The following BANK1 variants were observed in gnomAD, a reference collection of about 807,000 sequenced individuals.
BANK1 encodes the protein B cell scaffold protein with ankyrin repeats 1, also known as B-cell scaffold protein with ankyrin repeats.
Under a neutral mutation model 94.5 loss-of-function variants are expected in BANK1, and 95 were observed. The observed-to-expected ratio is 1.00, with a 90% CI of 0.85 to 1.19. The LOEUF is 1.19. Among genes scored for constraint, BANK1 ranks in the 50% most tolerant of loss-of-function variants. The pLI is 0.00. For synonymous variants in BANK1, 334 were observed against 308.4 expected, an observed-to-expected ratio of 1.08 and a Z score of -0.87; for missense variants, 987 against 932.2, an observed-to-expected ratio of 1.06 and a Z score of -0.77.
chr4:102,041,615 T>C (rs116547287), intron 10 of BANK1, among the ~76,000 whole-genome samples: 2,920 of 152,074 alleles, frequency 0.019, 64 homozygotes, highest in Middle Eastern at 0.065. Context: ...AGAGGGAACC[T>C]TTAAACTCTG....
At chr4:101,924,982 CTTA>C (rs1205368898) in intron 7 of BANK1, among the ~76,000 whole-genome samples, 1 of 151,490 alleles carries the variant, frequency 6.6e-6, no homozygotes, top group Non-Finnish European at 1.5e-5. Flanking sequence ...TAAAAAATAA[CTTA>C]TTGTTAAAAA....
At chr4:101,872,193 A>G (rs1728314904) in intron 5 of BANK1, among the ~76,000 whole-genome samples, 1 of 152,126 alleles carries the variant, frequency 6.6e-6, no homozygotes, top group African/African-American at 2.4e-5. Flanking sequence ...AGGTCTGAGT[A>G]ATGATGGACA....
intron 3 of BANK1, among the ~76,000 whole-genome samples, chr4:101,857,843 T>C (rs1223828701): frequency 1.3e-5 from 2 of 152,194 alleles, no homozygotes; most frequent in Non-Finnish European, 2.9e-5. Context: ...CCTCTTCTTT[T>C]ACTTTCTATA....
intron 11 of BANK1, among the ~76,000 whole-genome samples, chr4:102,053,743 A>C (rs1728130321): frequency 6.6e-6 from 1 of 151,930 alleles, no homozygotes; most frequent in South Asian, 2.1e-4. Context: ...ACATGAATGT[A>C]AAATATTGGT....
At chr4:101,909,029 C>T (rs994506864) in intron 6 of BANK1, among the ~76,000 whole-genome samples, 1 of 152,194 alleles carries the variant, frequency 6.6e-6, no homozygotes, top group Non-Finnish European at 1.5e-5. Context: ...ACTAGAAATA[C>T]TATTTGACCC....
At chr4:102,036,445 A>C (rs904638683) in intron 10 of BANK1, among the ~76,000 whole-genome samples, 5 of 152,240 alleles carry the variant, frequency 3.3e-5, no homozygotes, top group African/African-American at 1.2e-4. Context: ...AAATACGGTC[A>C]AGTGGATTGA....
intron 11 of BANK1, among the ~76,000 whole-genome samples, chr4:102,058,379 A>G (rs1332668291): frequency 6.6e-6 from 1 of 152,172 alleles, no homozygotes; most frequent in Non-Finnish European, 1.5e-5. Flanking sequence ...ACAAGAGTCT[A>G]CCATACATAC....
rs544323582 is a variant in BANK1, at chr4:102,032,217, C to T, written c.1900+1952C>T. On this transcript the variant is annotated intron_variant, in intron 10 of 16. Transcript: ENST00000322953. ...AATTTTTGAAGAAATACCTCATCTTCTATATTCCAATGCCTAGGGAGTTTC... is the reference window on the plus strand; with the variant it reads ...AATTTTTGAAGAAATACCTCATCTTTTATATTCCAATGCCTAGGGAGTTTC... The T allele has an allele frequency of 9.9e-5, 15 of 152,278 alleles. No individual in the cohort carries two copies. In the South Asian group the frequency reaches 3.1e-3, roughly 32 times the overall value. 9.4% of individuals were successfully genotyped at this position (152,278 alleles called of 1,614,324 possible).
At chr4:101,967,340 G>T (rs756560098) in intron 7 of BANK1, among the ~76,000 whole-genome samples, 5 of 151,978 alleles carry the variant, frequency 3.3e-5, no homozygotes, top group African/African-American at 4.8e-5. Context: ...TTTAGATCCA[G>T]GATTCATGCC....
intron 5 of BANK1, among the ~76,000 whole-genome samples, chr4:101,894,579 T>C (rs1233035062): frequency 1.3e-5 from 2 of 152,072 alleles, no homozygotes; most frequent in African/African-American, 4.8e-5. Context: ...CACAGTTCCC[T>C]CTTCATCCCA....
At chr4:101,967,771 G>A (rs1484335683) in intron 7 of BANK1, among the ~76,000 whole-genome samples, 7 of 151,956 alleles carry the variant, frequency 4.6e-5, no homozygotes, top group African/African-American at 1.7e-4. Context: ...CCAATCTGAA[G>A]TAGCAAGTAT....
At chr4:101,965,350 A>C (rs1398495460) in intron 7 of BANK1, among the ~76,000 whole-genome samples, 2 of 151,956 alleles carry the variant, frequency 1.3e-5, no homozygotes, top group Non-Finnish European at 2.9e-5. Flanking sequence ...AAAAAAAAAA[A>C]AACAGTGACA....
At chr4:101,963,570 A>G (rs1724642982) in intron 7 of BANK1, among the ~76,000 whole-genome samples, 1 of 152,068 alleles carries the variant, frequency 6.6e-6, no homozygotes, top group Non-Finnish European at 1.5e-5. Flanking sequence ...GTTTAATTTT[A>G]GATTAAAGAT....
chr4:101,903,014 A>G (rs924471499), intron 6 of BANK1, among the ~76,000 whole-genome samples: 1 of 152,250 alleles, frequency 6.6e-6, no homozygotes, highest in African/African-American at 2.4e-5. Context: ...AGAATCAGAA[A>G]TCACATTAAT....
chr4:101,809,772 A>T (rs1193617676), intron 1 of BANK1, among the ~76,000 whole-genome samples: 1 of 152,220 alleles, frequency 6.6e-6, no homozygotes, highest in Non-Finnish European at 1.5e-5. Flanking sequence ...TATACTGCAC[A>T]TATATCCATT....
intron 7 of BANK1, among the ~76,000 whole-genome samples, chr4:102,004,440 T>G (rs1321141372): frequency 4.6e-5 from 7 of 152,148 alleles, no homozygotes; most frequent in Non-Finnish European, 1.0e-4. Flanking sequence ...TCCAATCACG[T>G]CAAAAATATA....
intron 7 of BANK1, among the ~76,000 whole-genome samples, chr4:101,928,876 T>TTTTTTTTTTTTTTTTTTTTTGAG (rs1723249677): frequency 6.6e-6 from 1 of 151,650 alleles, no homozygotes; most frequent in African/African-American, 2.4e-5. Flanking sequence ...TTAGAAACTT[T>TTTTTTTTTTTTTTTTTTTTTGAG]ATGCACACCC....
Position 101,870,552 on chromosome 4 carries a change from G to A in BANK1, c.811G>A (p.Val271Ile), listed in dbSNP as rs145555039. ...TGTCAATGTCTACTGTGATGGAATCGTTAAAGCTACAACCAAAATTAAGTA... is the reference window on the plus strand; with the variant it reads ...TGTCAATGTCTACTGTGATGGAATCATTAAAGCTACAACCAAAATTAAGTA... ...VHVNVYCDGI[V>I]KATTKIKYYP... Residue 271 changes from valine to isoleucine, a missense_variant, in exon 5 of 17, where the codon GTT becomes ATT. Physicochemically the swap from Val to Ile is conservative, Grantham distance 29. Transcript: ENST00000322953. 27 of 1,612,646 alleles carry A rather than the reference G, an allele frequency of 1.7e-5. No individual in the cohort carries two copies. In the African/African-American group the frequency reaches 1.9e-4, roughly 11 times the overall value.
intron 2 of BANK1, among the ~76,000 whole-genome samples, chr4:101,841,971 AATT>A (rs534317458): frequency 1.8e-4 from 28 of 152,248 alleles, no homozygotes; most frequent in African/African-American, 5.1e-4. Flanking sequence ...CTCACAGATG[AATT>A]ATTATGAAAA....
Sources: allele counts gnomAD v4.1 joint callset (sites outside exome capture counted in the v4.1 genomes callset), GRCh38; gene constraint gnomAD v4.1.1; transcripts MANE v1.5; gene names NCBI Gene and HGNC (gene_info 2026-07-23, HGNC 2026-07-21).